The following PGR variants were observed in gnomAD, a reference collection of about 807,000 sequenced individuals.
The protein encoded by PGR is progesterone receptor.
PGR carries 25 observed loss-of-function variants against 76.1 expected under a neutral mutation model. That is an observed-to-expected ratio of 0.33 (90% confidence interval 0.24 to 0.46). The LOEUF (loss-of-function observed/expected upper bound fraction) is 0.46. Among genes scored for constraint, PGR ranks in the 20% least tolerant of loss-of-function variants. The probability of loss-of-function intolerance (pLI) is 1.00; values close to 1 mark genes in which losing one functional copy is unlikely to be tolerated. For missense variants in PGR, 1,172 were observed against 1,225.3 expected, an observed-to-expected ratio of 0.96 and a Z score of 0.65; for synonymous variants, 579 against 535.0, an observed-to-expected ratio of 1.08 and a Z score of -1.14.
chr11:101,043,227 A>G (rs1859755009), intron 6 of PGR, among the ~76,000 whole-genome samples: 1 of 152,202 alleles, frequency 6.6e-6, no homozygotes, highest in Non-Finnish European at 1.5e-5. Context: ...TTGTCACTTC[A>G]ATAATCTTCA....
rs929244089 is a variant in PGR, at chr11:101,129,074, G to C, written c.-4C>G. 6.5e-7 allele frequency: 1 copy of C among 1,529,538 alleles called. No individual in the cohort carries two copies. Among genetic ancestry groups the C allele is most frequent in the Non-Finnish European group, 8.8e-7 (1 of 1,137,068 alleles). 94.7% of individuals were successfully genotyped at this position (1,529,538 alleles called of 1,614,324 possible). A position where few individuals can be genotyped will look rare whatever the true frequency, so the allele number is the denominator to read the frequency against. ...CCTTTGCCTTCAGCTCAGTCATGACGACTGGACTCCCCTTTTCTCCTCCCC... is the reference window on the plus strand; with the variant it reads ...CCTTTGCCTTCAGCTCAGTCATGACCACTGGACTCCCCTTTTCTCCTCCCC... On this transcript the variant is annotated 5_prime_UTR_variant, in exon 1 of 8. Transcript: ENST00000325455.
intron 3 of PGR, among the ~76,000 whole-genome samples, chr11:101,084,183 A>G (rs494424): frequency 0.19 from 28,628 of 151,958 alleles, 3,320 homozygotes; most frequent in African/African-American, 0.33. Flanking sequence ...ATGGTAAGAT[A>G]TTCTTGCTTC....
intron 3 of PGR, among the ~76,000 whole-genome samples, chr11:101,082,208 T>A (rs1047572370): frequency 6.6e-6 from 1 of 152,218 alleles, no homozygotes; most frequent in Admixed American, 6.5e-5. Flanking sequence ...GTAAGTTTCC[T>A]GAGACCTCCT....
intron 2 of PGR, among the ~76,000 whole-genome samples, chr11:101,112,629 T>A (rs1862378863): frequency 6.6e-6 from 1 of 152,138 alleles, no homozygotes; most frequent in South Asian, 2.1e-4. Context: ...AAGACAGCCA[T>A]CCCAGAAGCC....
chr11:101,127,412 G>T (rs2135512770), intron 1 of PGR, 22 bp downstream of exon 1: 2 of 1,515,654 alleles, frequency 1.3e-6, no homozygotes, highest in Admixed American at 4.1e-5. Context: ...CGCGCTGGGC[G>T]TGCCCCGTCC....
At chr11:101,086,660 T>C (rs967307615) in intron 3 of PGR, among the ~76,000 whole-genome samples, 1 of 152,170 alleles carries the variant, frequency 6.6e-6, no homozygotes, top group Non-Finnish European at 1.5e-5. Flanking sequence ...TCTTGCATAT[T>C]ACATGATTTT....
At chr11:101,074,439 C>T (rs1861053219) in intron 3 of PGR, among the ~76,000 whole-genome samples, 1 of 152,092 alleles carries the variant, frequency 6.6e-6, no homozygotes, top group Non-Finnish European at 1.5e-5. Flanking sequence ...TCCTTTCCCA[C>T]CACTGCTATT....
rs746323170 is a variant in PGR at position 101,128,084 on chromosome 11, G to A, written c.987C>T (p.Tyr329=). ...RTRQLLEDES[Y]DGGAGAASAF... ...CGCTGGCAGCCCCGGCCCCGCCGTC[G>A]TAACTTTCGTCTTCCAGCAGCTGCC... Residue 329 remains tyrosine, a synonymous_variant, in exon 1 of 8, where the codon TAC becomes TAT. Coordinates refer to ENST00000325455, the MANE Select transcript of PGR (RefSeq NM_000926.4). 14 of 1,600,300 alleles carry A rather than the reference G, an allele frequency of 8.7e-6. No homozygotes were observed. Among genetic ancestry groups the A allele is most frequent in the Non-Finnish European group, 1.2e-5 (14 of 1,179,652 alleles).
chr11:101,076,133 G>A (rs771029386), intron 3 of PGR, among the ~76,000 whole-genome samples: 1 of 152,034 alleles, frequency 6.6e-6, no homozygotes, highest in South Asian at 2.1e-4. Flanking sequence ...CAATAACATT[G>A]AGCTATCAAA....
intron 7 of PGR, among the ~76,000 whole-genome samples, chr11:101,040,742 G>A (rs1056419430): frequency 6.6e-6 from 1 of 151,968 alleles, no homozygotes; most frequent in Non-Finnish European, 1.5e-5. Flanking sequence ...CAATTGTGCA[G>A]TGCCTCTACA....
chr11:101,099,794 C>A (rs1168854630), intron 2 of PGR, among the ~76,000 whole-genome samples: 1 of 75,902 alleles, frequency 1.3e-5, no homozygotes, highest in African/African-American at 4.9e-5. Context: ...TAATCACCCA[C>A]CAAACACAGA....
chr11:101,103,454 T>TA (rs1483548065), intron 2 of PGR, among the ~76,000 whole-genome samples: 2 of 152,098 alleles, frequency 1.3e-5, no homozygotes. Context: ...TCCTGTCTCT[T>TA]ACCCCCGCAT....
At chr11:101,107,945 G>A (rs1824126) in intron 2 of PGR, among the ~76,000 whole-genome samples, 43,949 of 150,076 alleles carry the variant, frequency 0.29, 6,674 homozygotes, top group Non-Finnish European at 0.31. Flanking sequence ...TTTAAGTCTA[G>A]GCACCAAAAT....
chr11:101,129,002 G>C lies in PGR; in HGVS notation c.69C>G (p.Val23=). 3.8e-6 allele frequency: 6 copies of C among 1,580,702 alleles called. No individual in the cohort carries two copies. The South Asian group carries it at 5.8e-5, about 15-fold the overall frequency. ...HVAGGPPSPE[V]GSPLLCRPAA... ...CTGGGCGACACAGCAGTGGGGATCC[G>C]ACCTCGGGGGAGGGCGGGCCGCCCG... is the stretch of plus-strand genomic sequence containing the variant. The change falls in exon 1 of 8, where the codon GTC becomes GTG. Residue 23 remains valine, a synonymous_variant. Transcript: ENST00000325455.
chr11:101,069,786 T>C (rs970496681), intron 3 of PGR, among the ~76,000 whole-genome samples: 2 of 151,586 alleles, frequency 1.3e-5, no homozygotes, highest in African/African-American at 4.9e-5. Context: ...TATTCTCTCA[T>C]AAGTGGGAGG....
chr11:101,091,984 A>G, intron 2 of PGR, 108 bp from the exon 3 acceptor site: 1 of 706,460 alleles, frequency 1.4e-6, no homozygotes, highest in Non-Finnish European at 2.6e-6. Flanking sequence ...CAAGTGCATG[A>G]CTCAGCCAGC....
Position 101,093,172 on chromosome 11 carries a change from T to C in PGR, c.1790-1296A>G, listed in dbSNP as rs548678316. Among the ~76,000 whole-genome samples, 6 of 152,324 alleles carry C rather than the reference T, an allele frequency of 3.9e-5. No homozygotes were observed. The South Asian group carries it at 1.2e-3, about 32-fold the overall frequency. On this transcript the variant is annotated intron_variant, in intron 2 of 7. Transcript: ENST00000325455. The stretch of plus-strand genomic sequence containing the variant: ...CACTCACATAGTGTTCATCTCTTGT[T>C]TAGAGTCCCAGGAATTAAGCCTTCA...
At chr11:101,072,010 C>G (rs904645025) in intron 3 of PGR, among the ~76,000 whole-genome samples, 3 of 152,020 alleles carry the variant, frequency 2.0e-5, no homozygotes, top group South Asian at 2.1e-4. Flanking sequence ...AAGAGCAACC[C>G]CAAGACACAT....
intron 2 of PGR, among the ~76,000 whole-genome samples, chr11:101,101,071 G>C (rs1003901968): frequency 6.6e-6 from 1 of 152,290 alleles, no homozygotes; most frequent in Admixed American, 6.5e-5. Context: ...GACTGATCCA[G>C]GACTAGGGCA....
Sources: allele counts gnomAD v4.1 joint callset (sites outside exome capture counted in the v4.1 genomes callset), GRCh38; gene constraint gnomAD v4.1.1; transcripts MANE v1.5; gene names NCBI Gene and HGNC (gene_info 2026-07-23, HGNC 2026-07-21).